NUDT5: variants seen among roughly 807,000 people sequenced by gnomAD.
The protein encoded by NUDT5 is ADP-sugar pyrophosphatase.
Under a neutral mutation model 34.1 loss-of-function variants are expected in NUDT5, and 21 were observed. The observed-to-expected ratio is 0.62, with a 90% CI of 0.44 to 0.89. NUDT5 has a LOEUF of 0.89. Among genes scored for constraint, NUDT5 ranks in the 40% least tolerant of loss-of-function variants. NUDT5 has a pLI of 0.00. For missense variants in NUDT5, 249 were observed against 274.8 expected (o/e 0.91, Z 0.66); for synonymous variants, 85 against 97.6 (o/e 0.87, Z 0.76).
rs1003885481 is a variant in NUDT5, at chr10:12,181,141, G to A, written c.132-2009C>T. On this transcript the variant is annotated intron_variant, in intron 3 of 9. Transcript: ENST00000491614. The surrounding 1 kb of genome is among the most constrained non-coding windows in gnomAD (Gnocchi z 5.0). ...AAAAAAATTGCATCTATACTGAACA[G>A]GTCCACACTTTTTCTTGCCATTATT... Among the ~76,000 whole-genome samples, 5 of 152,126 alleles carry A rather than the reference G, an allele frequency of 3.3e-5. No homozygotes were observed. Among genetic ancestry groups the A allele is most frequent in the Non-Finnish European group, 7.3e-5 (5 of 68,034 alleles).
In NUDT5 at chr10:12,168,614, G is replaced by A. The variant is rs1010417485; in HGVS notation, c.551-803C>T. Among the ~76,000 whole-genome samples the A allele has an allele frequency of 3.9e-5, 6 of 152,176 alleles. No homozygotes were observed. Among genetic ancestry groups the A allele is most frequent in the African/African-American group, 1.2e-4 (5 of 41,452 alleles). On this transcript the variant is annotated intron_variant, in intron 9 of 9. Coordinates refer to ENST00000491614, the MANE Select transcript of NUDT5 (RefSeq NM_014142.4). This position sits in a 1 kb window ranked among gnomAD's most constrained non-coding sequence, Gnocchi z 4.8. ...TTCACTCAGATGGAGGTTGCCAGAT[G>A]TAAAATCAGCCTCTTGTTTTCCTAG...
intron 4 of NUDT5, 27 bp from the exon 5 acceptor site, chr10:12,177,927 A>T (rs755018112): frequency 6.4e-7 from 1 of 1,568,988 alleles, no homozygotes; most frequent in Non-Finnish European, 8.8e-7. Context: ...GAACCAAGGA[A>T]ATCCCTAATG....
intron 5 of NUDT5, among the ~76,000 whole-genome samples, chr10:12,176,553 G>C (rs1834952868): frequency 6.6e-6 from 1 of 152,114 alleles, no homozygotes; most frequent in African/African-American, 2.4e-5. Flanking sequence ...GCAGTGAGCT[G>C]AGATCGTGCC....
chr10:12,190,660 G>C (rs1002320395), intron 1 of NUDT5, among the ~76,000 whole-genome samples: 1 of 148,196 alleles, frequency 6.7e-6, no homozygotes. Flanking sequence ...CCAGGCTGGA[G>C]TGCAATGGCA....
In NUDT5 at chr10:12,169,361, A is replaced by C; in HGVS notation, c.550+1356T>G. On this transcript the variant is annotated intron_variant, in intron 9 of 9. Coordinates refer to ENST00000491614, the MANE Select transcript of NUDT5 (RefSeq NM_014142.4). This position sits in a 1 kb window ranked among gnomAD's most constrained non-coding sequence, Gnocchi z 4.8. Reference sequence around the variant, plus strand: ...CCCGCACGGCATTTCACACTTGCCTACGTCACCCTGCTTTCCACGCACCTC... The same window carrying C: ...CCCGCACGGCATTTCACACTTGCCTCCGTCACCCTGCTTTCCACGCACCTC... 1.4e-6 allele frequency: 2 copies of C among 1,434,598 alleles called. No homozygotes were observed. Among genetic ancestry groups the C allele is most frequent in the Non-Finnish European group, 9.5e-7 (1 of 1,048,068 alleles). 88.9% of individuals were successfully genotyped at this position (1,434,598 alleles called of 1,614,324 possible).
chr10:12,193,433 T>C (rs559091471), intron 1 of NUDT5, among the ~76,000 whole-genome samples: 21 of 152,288 alleles, frequency 1.4e-4, no homozygotes, highest in African/African-American at 4.6e-4. Context: ...AATTGCACAA[T>C]AAATCTCCTC....
At chr10:12,185,897 A>G (rs1327888645) in intron 2 of NUDT5, among the ~76,000 whole-genome samples, 1 of 152,226 alleles carries the variant, frequency 6.6e-6, no homozygotes, top group African/African-American at 2.4e-5. Context: ...TTAGGCCATC[A>G]ACAGCCAAGT....
In NUDT5 at chr10:12,173,404, T is replaced by C. The variant is rs1185907980; in HGVS notation, c.385+314A>G. Among the ~76,000 whole-genome samples the C allele has an allele frequency of 1.3e-5, 2 of 152,196 alleles. No homozygotes were observed. Among genetic ancestry groups the C allele is most frequent in the East Asian group, 1.9e-4 (1 of 5,182 alleles). On this transcript the variant is annotated intron_variant, in intron 6 of 9. Transcript: ENST00000491614. This position sits in a 1 kb window ranked among gnomAD's most constrained non-coding sequence, Gnocchi z 4.7. ...TTTTTAGTAGAGATGGGTTTCACCA[T>C]GTTGGTCAGGCTGGTCTCGAACTCC...
rs906663429 is a variant in NUDT5 at position 12,187,819 on chromosome 10, C to A, written c.-41-1487G>T. On this transcript the variant is annotated intron_variant, in intron 1 of 9. Coordinates refer to ENST00000491614, the MANE Select transcript of NUDT5 (RefSeq NM_014142.4). The surrounding 1 kb of genome is among the most constrained non-coding windows in gnomAD (Gnocchi z 5.4). ...GGAATTTTTTTCTTGAACGACTTCA[C>A]TGATGATTTCCTCCCCTGTGTTTTC... Among the ~76,000 whole-genome samples, 1 of 152,130 alleles carries A rather than the reference C, an allele frequency of 6.6e-6. No individual in the cohort carries two copies.
chr10:12,169,165 C>A lies in NUDT5; in HGVS notation c.551-1354G>T. On this transcript the variant is annotated intron_variant, in intron 9 of 9. Coordinates refer to ENST00000491614, the MANE Select transcript of NUDT5 (RefSeq NM_014142.4). This position sits in a 1 kb window ranked among gnomAD's most constrained non-coding sequence, Gnocchi z 4.8. ...GTATTTTGATTCTGCTAAAGCTAGG[C>A]AACTTGGTTCTTTTACCCCTCCTCC... is the stretch of plus-strand genomic sequence containing the variant. 1 of 708,886 alleles carries A rather than the reference C, an allele frequency of 1.4e-6. No homozygotes were observed. Among genetic ancestry groups the A allele is most frequent in the Non-Finnish European group, 2.4e-6 (1 of 423,812 alleles). 43.9% of individuals were successfully genotyped at this position (708,886 alleles called of 1,614,324 possible). A position where few individuals can be genotyped will look rare whatever the true frequency, so the allele number is the denominator to read the frequency against.
At chr10:12,183,548 G>C (rs1368273341) in intron 3 of NUDT5, among the ~76,000 whole-genome samples, 3 of 152,124 alleles carry the variant, frequency 2.0e-5, no homozygotes, top group Non-Finnish European at 4.4e-5. Flanking sequence ...TTTGCAAATG[G>C]AGTTCTCATA....
Position 12,169,380 on chromosome 10 carries a change from G to C in NUDT5, c.550+1337C>G, listed in dbSNP as rs1045220737. On this transcript the variant is annotated intron_variant, in intron 9 of 9. Coordinates refer to ENST00000491614, the MANE Select transcript of NUDT5 (RefSeq NM_014142.4). This position sits in a 1 kb window ranked among gnomAD's most constrained non-coding sequence, Gnocchi z 4.8. ...TTGCCTACGTCACCCTGCTTTCCAC[G>C]CACCTCCTCAGAGGGAGGGGCTGTT... 6.4e-6 allele frequency: 8 copies of C among 1,242,560 alleles called. No homozygotes were observed. The African/African-American group carries it at 1.2e-4, about 19-fold the overall frequency. The allele number at this position is 1,242,560 out of a possible 1,614,324, so 77.0% of individuals were successfully genotyped here.
intron 7 of NUDT5, 21 bp downstream of exon 7, chr10:12,172,744 T>G (rs181627598): frequency 1.9e-6 from 3 of 1,574,112 alleles, no homozygotes; most frequent in African/African-American, 2.7e-5. Context: ...ACCACCTTCA[T>G]CACAGCCGAC....
rs777943147 is a variant in NUDT5, at chr10:12,173,779, A to T, written c.324T>A (p.Ala108=). 3.7e-6 allele frequency: 6 copies of T among 1,614,022 alleles called. No individual in the cohort carries two copies. The East Asian group carries it at 1.3e-4, about 36-fold the overall frequency. The stretch of plus-strand genomic sequence containing the variant: ...TTTCTTCTTCAAGCTCCCGGAGAGC[A>T]GCTGCTTCTGGGGTTTCACCATCAT... ...LIDDGETPEA[A]ALRELEEETG... is the part of the protein sequence containing the mutation. Residue 108 remains alanine (A), a synonymous_variant, in exon 6 of 10, where the codon GCT becomes GCA. Transcript: ENST00000491614. This position sits in a 1 kb window ranked among gnomAD's most constrained non-coding sequence, Gnocchi z 4.7.
chr10:12,188,501 G>C (rs1835164042), intron 1 of NUDT5, among the ~76,000 whole-genome samples: 1 of 152,142 alleles, frequency 6.6e-6, no homozygotes, highest in African/African-American at 2.4e-5. Flanking sequence ...GGGAGGCCAG[G>C]GCGGGTGGAT....
At position 12,167,769 on chromosome 10, in the gene NUDT5, T is replaced by C. The variant is rs1834740772; in HGVS notation, c.593A>G (p.Tyr198Cys). Residue 198 changes from tyrosine to cysteine, a missense_variant, in exon 10 of 10, where the codon TAT (tyrosine) becomes TGT (cysteine). Physicochemically the swap from Tyr to Cys is radical, Grantham distance 194. Transcript: ENST00000491614. ...ATGTTTCAGTGCTAGAGCGTAGGAA[T>C]AGACCCTGGCGTCCACTGTGAGATG... is the stretch of plus-strand genomic sequence containing the variant. Reference protein sequence around the residue: ...EEHLTVDARVYSYALALKHAN... With the variant: ...EEHLTVDARVCSYALALKHAN... 16 of 1,614,204 alleles carry C rather than the reference T, an allele frequency of 9.9e-6. No homozygotes were observed. The highest frequency in any genetic ancestry group is 1.4e-5 in the Non-Finnish European group (16 of 1,180,032).
In NUDT5 at chr10:12,186,347, G is replaced by A; in HGVS notation, c.-41-15C>T. On this transcript the variant is annotated splice_polypyrimidine_tract_variant and intron_variant, in intron 1 of 9. Transcript: ENST00000491614. ...AGAAGTTCACCCTGCAAGATAATGA[G>A]ATTTGTTCAGGCTAAAATTATTTTT... 2 of 1,257,680 alleles carry A rather than the reference G, an allele frequency of 1.6e-6. No individual in the cohort carries two copies. The highest frequency in any genetic ancestry group is 4.6e-5 in the East Asian group (2 of 43,194). The allele number at this position is 1,257,680 out of a possible 1,614,324, so 77.9% of individuals were successfully genotyped here. A position where few individuals can be genotyped will look rare whatever the true frequency, so the allele number is the denominator to read the frequency against.
At chr10:12,180,145 A>G (rs1476389062) in intron 3 of NUDT5, among the ~76,000 whole-genome samples, 1 of 152,238 alleles carries the variant, frequency 6.6e-6, no homozygotes, top group Non-Finnish European at 1.5e-5. Flanking sequence ...GGACCTTGTC[A>G]TATTTTCATT....
intron 1 of NUDT5, among the ~76,000 whole-genome samples, chr10:12,189,555 A>G (rs533971703): frequency 9.2e-5 from 14 of 152,362 alleles, no homozygotes; most frequent in Admixed American, 4.6e-4. Context: ...GAAGGACTGT[A>G]AAAGTACCTC....
Sources: allele counts gnomAD v4.1 joint callset (sites outside exome capture counted in the v4.1 genomes callset), GRCh38; gene constraint gnomAD v4.1.1; non-coding constraint Gnocchi (gnomAD v3.1); transcripts MANE v1.5; gene names NCBI Gene and HGNC (gene_info 2026-07-23, HGNC 2026-07-21).